ZNF883: variants seen among roughly 807,000 people sequenced by gnomAD.
ZNF883 encodes zinc finger protein 883.
At chr9:112,989,283 T>C (rs1467326334) in intron 1 of ZNF883, among the ~76,000 whole-genome samples, 2 of 152,252 alleles carry the variant, frequency 1.3e-5, no homozygotes, top group East Asian at 3.8e-4. Flanking sequence ...TTAATCCATT[T>C]TGAGTTCATT....
chr9:113,010,900 C>T (rs1337645813), intron 2 of ZNF883, among the ~76,000 whole-genome samples: 5 of 149,776 alleles, frequency 3.3e-5, no homozygotes, highest in Admixed American at 6.7e-5. Flanking sequence ...GCAGAAGAAT[C>T]GCTTGAACCC....
Position 112,990,230 on chromosome 9 carries a change from C to G in ZNF883, n.310-6651G>C, listed in dbSNP as rs185605680. The stretch of plus-strand genomic sequence containing the variant: ...GGAAAGATTCCAGGTTTTGCCTATT[C>G]AGTCTGATATTGGCTGTGGGTTTGT... On this transcript the variant is annotated intron_variant and non_coding_transcript_variant, in intron 1 of 9. Coordinates refer to the ZNF883 transcript ENST00000638823. Among the ~76,000 whole-genome samples, 3 of 152,264 alleles carry G rather than the reference C, an allele frequency of 2.0e-5. No homozygotes were observed. The East Asian group carries it at 5.8e-4, about 29-fold the overall frequency.
chr9:112,988,417 G>A (rs186916130), intron 1 of ZNF883, among the ~76,000 whole-genome samples: 23 of 152,264 alleles, frequency 1.5e-4, no homozygotes, highest in Admixed American at 5.9e-4. Flanking sequence ...CTGTTCCTGT[G>A]TTAGTTTGCT....
At chr9:113,005,439 A>C (rs1039248970) in intron 2 of ZNF883, among the ~76,000 whole-genome samples, 1 of 152,244 alleles carries the variant, frequency 6.6e-6, no homozygotes, top group Non-Finnish European at 1.5e-5. Context: ...TTCTAATCCC[A>C]GAAATACAAA....
At chr9:112,997,275 A>G (rs769112835) in exon 1 of ZNF883, 1 of 1,614,134 alleles carries the variant, frequency 6.2e-7, no homozygotes, top group Admixed American at 1.7e-5. Flanking sequence ...AAGCTGAAGG[A>G]TTTCCCACAT....
chr9:113,002,485 A>G (rs1828435468), upstream of ZNF883, among the ~76,000 whole-genome samples: 1 of 152,204 alleles, frequency 6.6e-6, no homozygotes, highest in South Asian at 2.1e-4. Flanking sequence ...AACCTTGGCT[A>G]ACTGTGACAA....
At chr9:112,989,474 G>T (rs1373724138) in intron 1 of ZNF883, among the ~76,000 whole-genome samples, 6 of 152,058 alleles carry the variant, frequency 3.9e-5, no homozygotes, top group Admixed American at 2.6e-4. Flanking sequence ...CTGTTCCATT[G>T]GTCTATGTGT....
In ZNF883 at chr9:113,011,113, T is replaced by G. The variant is rs1203312959; in HGVS notation, n.165+28A>C. On this transcript the variant is annotated intron_variant and non_coding_transcript_variant, in intron 2 of 4. Coordinates refer to the ZNF883 transcript ENST00000638622. ...TTTAGAAATTAAACCCAGCTTAAGG[T>G]ACAAATGCCTTGAAAAGTTTTGCTC... The G allele has an allele frequency of 2.0e-5, 3 of 152,076 alleles. 1 individual carries two copies. Among genetic ancestry groups the G allele is most frequent in the Admixed American group, 6.6e-5 (1 of 15,264 alleles). The allele number at this position is 152,076 out of a possible 1,614,324, so 9.4% of individuals were successfully genotyped here.
downstream of ZNF883, among the ~76,000 whole-genome samples, chr9:112,992,473 G>A (rs995012857): frequency 2.0e-5 from 3 of 152,164 alleles, no homozygotes; most frequent in Non-Finnish European, 4.4e-5. Flanking sequence ...GCTCCCCTTT[G>A]TAGGTCACCT....
intron 1 of ZNF883, 89 bp downstream of exon 1, chr9:113,012,061 C>G (rs41280201): frequency 0.013 from 1,952 of 152,492 alleles, 16 homozygotes; most frequent in Middle Eastern, 0.031. Flanking sequence ...TCTCAGGCCT[C>G]TCCCGACCCG....
chr9:112,998,113 G>A, exon 1 of ZNF883: 1 of 1,613,880 alleles, frequency 6.2e-7, no homozygotes, highest in South Asian at 1.1e-5. Context: ...TCCGGGTAAA[G>A]GACTTACCAC....
upstream of ZNF883, chr9:112,998,633 T>C (rs1828390394): frequency 6.1e-6 from 1 of 163,040 alleles, no homozygotes; most frequent in South Asian, 1.7e-4. Flanking sequence ...TCTTGTGTGA[T>C]CTGCTCTGTC....
downstream of ZNF883, among the ~76,000 whole-genome samples, chr9:112,994,386 C>G (rs1457949333): frequency 6.6e-6 from 1 of 151,926 alleles, no homozygotes; most frequent in Non-Finnish European, 1.5e-5. Context: ...ATAGGAGAAC[C>G]TGGATACCTC....
At position 112,997,899 on chromosome 9, in the gene ZNF883, C is replaced by T. The variant is rs1828380248; in HGVS notation, n.361G>A. ...TCATTACAAGGATAGGGTTTTTCTC[C>T]AGTATGGATTCTCTCATGATTTCTA... On this transcript the variant is annotated non_coding_transcript_exon_variant, in exon 1 of 1. Coordinates refer to ENST00000639662, the Ensembl canonical transcript of ZNF883. 8.1e-6 allele frequency: 13 copies of T among 1,613,626 alleles called. No individual in the cohort carries two copies. The East Asian group carries it at 2.9e-4, about 36-fold the overall frequency.
exon 1 of ZNF883, chr9:112,997,231 A>T: frequency 6.2e-7 from 1 of 1,614,044 alleles, no homozygotes; most frequent in Non-Finnish European, 8.5e-7. Flanking sequence ...TCTCCCTTGT[A>T]TGTATTCGCT....
At chr9:112,998,340 C>T (rs528416455), upstream of ZNF883, 17 of 1,154,460 alleles carry the variant, frequency 1.5e-5, no homozygotes, top group African/African-American at 2.5e-4. Context: ...TCATTTATTT[C>T]CAGAATAAGT....
exon 1 of ZNF883, chr9:112,997,820 TGAATTCTA>T (rs1828378585): frequency 6.2e-7 from 1 of 1,612,956 alleles, no homozygotes; most frequent in South Asian, 1.1e-5. Flanking sequence ...CTTTCCAGTA[TGAATTCTA>T]TGATGTTGAG....
chr9:113,006,898 T>TCAA (rs1554768009), intron 2 of ZNF883, among the ~76,000 whole-genome samples: 44,561 of 150,962 alleles, frequency 0.3, 7,367 homozygotes, highest in African/African-American at 0.45. Context: ...GGTAATTTTT[T>TCAA]AAAAAAAAAA....
exon 1 of ZNF883, chr9:112,997,901 G>C (rs1391565600): frequency 1.2e-6 from 2 of 1,613,748 alleles, no homozygotes; most frequent in African/African-American, 2.7e-5. Context: ...TTTTTCTCCA[G>C]TATGGATTCT....
Sources: allele counts gnomAD v4.1 joint callset (sites outside exome capture counted in the v4.1 genomes callset), GRCh38; gene constraint gnomAD v4.1.1; transcripts MANE v1.5; gene names NCBI Gene and HGNC (gene_info 2026-07-23, HGNC 2026-07-21).